CDK5RAP2: variants seen among roughly 807,000 people sequenced by gnomAD.
The protein encoded by CDK5RAP2 is CDK5 regulatory subunit-associated protein 2.
A neutral mutation model predicts 232.9 loss-of-function variants in CDK5RAP2; 147 were observed. The observed-to-expected ratio is 0.63, with a 90% CI of 0.55 to 0.72. The LOEUF (loss-of-function observed/expected upper bound fraction) is 0.72. Among genes scored for constraint, CDK5RAP2 ranks in the 30% least tolerant of loss-of-function variants. The pLI, the probability that CDK5RAP2 is intolerant of heterozygous loss-of-function variation, is 0.00. For missense variants in CDK5RAP2, 2,195 were observed against 2,231.5 expected (o/e 0.98, Z 0.33); for synonymous variants, 833 against 833.7 (o/e 1.00, Z 0.01).
At chr9:120,515,721 C>T (rs1050028671) in intron 12 of CDK5RAP2, among the ~76,000 whole-genome samples, 3 of 152,182 alleles carry the variant, frequency 2.0e-5, no homozygotes, top group Admixed American at 6.5e-5. Flanking sequence ...TATGAACAGA[C>T]ACTTCTCAAA....
chr9:120,540,648 A>T (rs1349559474), intron 5 of CDK5RAP2, among the ~76,000 whole-genome samples: 1 of 152,372 alleles, frequency 6.6e-6, no homozygotes, highest in African/African-American at 2.4e-5. Context: ...ATCTGCTTCT[A>T]AATTTTTACT....
chr9:120,512,832 G>A (rs2131800707), intron 12 of CDK5RAP2, among the ~76,000 whole-genome samples: 1 of 152,298 alleles, frequency 6.6e-6, no homozygotes, highest in South Asian at 2.1e-4. Context: ...AGGGCTGGGA[G>A]CATCACGCGG....
intron 11 of CDK5RAP2, 131 bp downstream of exon 11, chr9:120,524,855 C>T (rs1564337951): frequency 8.7e-6 from 6 of 688,946 alleles, no homozygotes; most frequent in Non-Finnish European, 1.6e-5. Context: ...ATTAGACTAG[C>T]AAATTCTATC....
chr9:120,568,731 C>A (rs1454797860), intron 2 of CDK5RAP2, among the ~76,000 whole-genome samples: 1 of 152,154 alleles, frequency 6.6e-6, no homozygotes, highest in East Asian at 1.9e-4. Flanking sequence ...TCAGTAATTA[C>A]AACAAAGCAC....
At chr9:120,568,203 C>A in intron 3 of CDK5RAP2, 118 bp downstream of exon 3, 2 of 811,404 alleles carry the variant, frequency 2.5e-6, no homozygotes, top group Non-Finnish European at 4.4e-6. Context: ...GACATGGCAC[C>A]CCCCTGCCTC....
Position 120,403,502 on chromosome 9 carries a change from C to G in CDK5RAP2, c.5042-431G>C. ...AGGGAAGGCTTCTGAGAAGGAGCAGCATTTGAACTGGATTGAGCAAGTAGC... is the reference window on the plus strand; with the variant it reads ...AGGGAAGGCTTCTGAGAAGGAGCAGGATTTGAACTGGATTGAGCAAGTAGC... On this transcript the variant is annotated intron_variant, in intron 33 of 37. Transcript: ENST00000349780. This position sits in a 1 kb window ranked among gnomAD's most constrained non-coding sequence, Gnocchi z 4.2. 3.6e-6 allele frequency: 1 copy of G among 281,506 alleles called. No homozygotes were observed. The highest frequency in any genetic ancestry group is 6.8e-6 in the Non-Finnish European group (1 of 146,130). The allele number at this position is 281,506 out of a possible 1,614,324, so 17.4% of individuals were successfully genotyped here.
At chr9:120,544,473 C>A (rs1234386205) in intron 5 of CDK5RAP2, among the ~76,000 whole-genome samples, 1 of 152,230 alleles carries the variant, frequency 6.6e-6, no homozygotes, top group Non-Finnish European at 1.5e-5. Flanking sequence ...TTCAGCATAA[C>A]CTGGAGAAGA....
chr9:120,399,236 A>G (rs565138641), intron 35 of CDK5RAP2, among the ~76,000 whole-genome samples: 1 of 152,296 alleles, frequency 6.6e-6, no homozygotes, highest in African/African-American at 2.4e-5. Flanking sequence ...TAAGTGTATG[A>G]GCTGTATTTC....
chr9:120,465,801 T>C (rs1310449432), intron 18 of CDK5RAP2, among the ~76,000 whole-genome samples: 1 of 151,848 alleles, frequency 6.6e-6, no homozygotes, highest in African/African-American at 2.4e-5. Context: ...ATAACCTACA[T>C]GTCCAACAGC....
chr9:120,484,292 T>C (rs2038476742), intron 14 of CDK5RAP2, among the ~76,000 whole-genome samples: 1 of 152,178 alleles, frequency 6.6e-6, no homozygotes, highest in African/African-American at 2.4e-5. Context: ...AAGCACACCT[T>C]TCTTGGGGCC....
intron 23 of CDK5RAP2, among the ~76,000 whole-genome samples, chr9:120,440,668 C>A (rs2035848702): frequency 6.6e-6 from 1 of 152,204 alleles, no homozygotes; most frequent in African/African-American, 2.4e-5. Context: ...AATTCGTCAT[C>A]TGAATGTAGC....
chr9:120,572,955 T>G (rs2042906569), intron 1 of CDK5RAP2, among the ~76,000 whole-genome samples: 1 of 152,222 alleles, frequency 6.6e-6, no homozygotes, highest in South Asian at 2.1e-4. Flanking sequence ...CCAGACAATT[T>G]TACTGTCCTA....
At chr9:120,506,811 A>C (rs1258554419) in intron 12 of CDK5RAP2, among the ~76,000 whole-genome samples, 3 of 152,218 alleles carry the variant, frequency 2.0e-5, no homozygotes, top group East Asian at 3.8e-4. Flanking sequence ...CAAAGAAAGT[A>C]GTTTGTTGAG....
intron 2 of CDK5RAP2, among the ~76,000 whole-genome samples, chr9:120,569,967 A>T (rs2042789477): frequency 6.6e-6 from 1 of 152,142 alleles, no homozygotes; most frequent in Non-Finnish European, 1.5e-5. Flanking sequence ...GATGAGATGA[A>T]GTGAAATACA....
At chr9:120,440,080 C>T in intron 23 of CDK5RAP2, 108 bp from the exon 24 acceptor site, 1 of 942,358 alleles carries the variant, frequency 1.1e-6, no homozygotes, top group Non-Finnish European at 1.7e-6. Context: ...ACCTAACAAG[C>T]CTCCCTCAAA....
At chr9:120,482,943 G>C (rs1178172719) in intron 14 of CDK5RAP2, among the ~76,000 whole-genome samples, 1 of 152,140 alleles carries the variant, frequency 6.6e-6, no homozygotes, top group Non-Finnish European at 1.5e-5. Flanking sequence ...TGCCCCATTA[G>C]AATGAAGTCA....
chr9:120,434,692 G>A (rs1275687380), intron 25 of CDK5RAP2, among the ~76,000 whole-genome samples: 2 of 152,132 alleles, frequency 1.3e-5, no homozygotes, highest in Non-Finnish European at 2.9e-5. Flanking sequence ...GGAGGGAGAG[G>A]AGAACTGAAC....
At chr9:120,440,431 G>A (rs993908874) in intron 23 of CDK5RAP2, 4 of 204,160 alleles carry the variant, frequency 2.0e-5, no homozygotes, top group Admixed American at 1.0e-4. Context: ...CATGGGCCGT[G>A]CCCTCTGCCT....
chr9:120,408,274 T>G (rs768994812), intron 31 of CDK5RAP2, 73 bp downstream of exon 31: 1 of 1,584,366 alleles, frequency 6.3e-7, no homozygotes, highest in Non-Finnish European at 8.6e-7. Context: ...TGCCCTCCTG[T>G]GCCTACAGCC....
Sources: allele counts gnomAD v4.1 joint callset (sites outside exome capture counted in the v4.1 genomes callset), GRCh38; gene constraint gnomAD v4.1.1; non-coding constraint Gnocchi (gnomAD v3.1); transcripts MANE v1.5; gene names NCBI Gene and HGNC (gene_info 2026-07-23, HGNC 2026-07-21).